The following COL21A1 variants were observed in gnomAD, a reference collection of about 807,000 sequenced individuals.
The protein encoded by COL21A1 is collagen alpha-1(XXI) chain.
In COL21A1, 149 loss-of-function variants were observed where a neutral mutation model predicts 137.9. That is an observed-to-expected ratio of 1.08 (90% CI 0.95 to 1.24). The LOEUF (loss-of-function observed/expected upper bound fraction) is 1.24, where lower values mean the gene tolerates loss of function less well. COL21A1 is among the 50% of genes most tolerant of loss of function. COL21A1 has a pLI of 0.00. For synonymous variants in COL21A1, 456 were observed against 391.5 expected (o/e 1.16, Z -1.95); for missense variants, 1,167 against 1,158.4 (o/e 1.01, Z -0.11).
intron 1 of COL21A1, among the ~76,000 whole-genome samples, chr6:56,206,084 A>ATC (rs1165330376): frequency 1.3e-5 from 2 of 152,216 alleles, no homozygotes; most frequent in Non-Finnish European, 2.9e-5. Flanking sequence ...ACTAACGGGC[A>ATC]AAATAAGCAG....
chr6:56,133,273 G>A (rs1461748895), intron 12 of COL21A1, among the ~76,000 whole-genome samples: 1 of 152,142 alleles, frequency 6.6e-6, no homozygotes, highest in African/African-American at 2.4e-5. Flanking sequence ...AACTTGTTGG[G>A]AACTGGAGTA....
In COL21A1 at chr6:56,266,843, A is replaced by T. The variant is rs118094534; in HGVS notation, c.-38-84187T>A. ...GATTACTTACCTCAAATTATGTTCA[A>T]GAAAAGAAAATAATTTTACTATTCC... On this transcript the variant is annotated intron_variant, in intron 1 of 28. Transcript: ENST00000370819. 4.2e-3 allele frequency among the ~76,000 whole-genome samples: 635 copies of T among 152,374 alleles called. 18 individuals are homozygous for T. In the East Asian group the frequency reaches 0.064, roughly 15 times the overall value.
intron 25 of COL21A1, 179 bp from the exon 26 acceptor site, chr6:56,061,216 T>C (rs1011899384): frequency 6.7e-6 from 4 of 594,462 alleles, no homozygotes; most frequent in African/African-American, 5.7e-5. Context: ...CATATTAAAC[T>C]GTCATTTATC....
At chr6:56,338,943 C>T (rs1479383231) in intron 1 of COL21A1, among the ~76,000 whole-genome samples, 3 of 152,132 alleles carry the variant, frequency 2.0e-5, no homozygotes, top group Non-Finnish European at 4.4e-5. Context: ...AAAAAGACTG[C>T]TTAGCAGATC....
At chr6:56,090,067 CTG>C (rs1768653121) in intron 17 of COL21A1, among the ~76,000 whole-genome samples, 1 of 152,092 alleles carries the variant, frequency 6.6e-6, no homozygotes, top group African/African-American at 2.4e-5. Context: ...TGGTGAAACC[CTG>C]TCTCTACTAA....
At chr6:56,361,853 A>C (rs1765978529) in intron 1 of COL21A1, among the ~76,000 whole-genome samples, 1 of 152,184 alleles carries the variant, frequency 6.6e-6, no homozygotes, top group Admixed American at 6.6e-5. Context: ...TAGCATTTCT[A>C]CTGAAGCCTG....
chr6:56,253,577 T>C (rs1782903183), intron 1 of COL21A1, among the ~76,000 whole-genome samples: 1 of 152,188 alleles, frequency 6.6e-6, no homozygotes, highest in African/African-American at 2.4e-5. Context: ...CATCCAGCCA[T>C]TACTGAAACT....
At chr6:56,140,166 T>C (rs546228917) in intron 12 of COL21A1, among the ~76,000 whole-genome samples, 1 of 152,274 alleles carries the variant, frequency 6.6e-6, no homozygotes, top group East Asian at 1.9e-4. Context: ...AATATATTAG[T>C]TTTTTAATAT....
intron 16 of COL21A1, among the ~76,000 whole-genome samples, chr6:56,122,312 C>CTTT (rs11410654): frequency 1.1e-4 from 16 of 143,954 alleles, no homozygotes; most frequent in Non-Finnish European, 1.7e-4. Context: ...CATGCGGTTT[C>CTTT]TTTTTTTTTT....
intron 12 of COL21A1, among the ~76,000 whole-genome samples, chr6:56,139,830 A>T (rs1420007227): frequency 1.3e-5 from 2 of 152,110 alleles, no homozygotes; most frequent in Non-Finnish European, 2.9e-5. Flanking sequence ...TCCGGTCTGG[A>T]TGCTGAGGAC....
chr6:56,327,088 TA>T (rs1229344368), intron 1 of COL21A1, among the ~76,000 whole-genome samples: 3 of 152,044 alleles, frequency 2.0e-5, no homozygotes, highest in Admixed American at 6.6e-5. Context: ...GTAGATGATG[TA>T]AAACTTTATT....
intron 1 of COL21A1, among the ~76,000 whole-genome samples, chr6:56,206,245 T>C: frequency 6.7e-6 from 1 of 149,602 alleles, no homozygotes; most frequent in Non-Finnish European, 1.5e-5. Flanking sequence ...ATCCAACTAA[T>C]GTGCAAAGAC....
intron 1 of COL21A1, among the ~76,000 whole-genome samples, chr6:56,347,869 A>G (rs1372881474): frequency 1.3e-5 from 2 of 152,132 alleles, no homozygotes; most frequent in South Asian, 2.1e-4. Context: ...AAATAACAAA[A>G]CCCATTGATT....
At chr6:56,270,323 G>A (rs958784685) in intron 1 of COL21A1, among the ~76,000 whole-genome samples, 1 of 152,198 alleles carries the variant, frequency 6.6e-6, no homozygotes, top group African/African-American at 2.4e-5. Context: ...GGATAAAGAA[G>A]AGCATTACAT....
chr6:56,263,862 T>A (rs1469405769), intron 1 of COL21A1, among the ~76,000 whole-genome samples: 1 of 152,148 alleles, frequency 6.6e-6, no homozygotes, highest in Non-Finnish European at 1.5e-5. Flanking sequence ...TTTCCTGATA[T>A]TTGATCCTTA....
At chr6:56,191,168 TCA>T (rs1778647179) in intron 1 of COL21A1, among the ~76,000 whole-genome samples, 1 of 152,164 alleles carries the variant, frequency 6.6e-6, no homozygotes, top group South Asian at 2.1e-4. Flanking sequence ...TCGAATTTTC[TCA>T]GTTTGCAGAT....
chr6:56,149,660 CAT>C (rs1404132259), intron 10 of COL21A1, among the ~76,000 whole-genome samples: 1 of 152,184 alleles, frequency 6.6e-6, no homozygotes, highest in East Asian at 1.9e-4. Context: ...CCCATGAATC[CAT>C]AGTCTCCTTT....
At chr6:56,305,603 C>A (rs993719153) in intron 1 of COL21A1, among the ~76,000 whole-genome samples, 1 of 152,086 alleles carries the variant, frequency 6.6e-6, no homozygotes, top group Non-Finnish European at 1.5e-5. Flanking sequence ...TTCCTCCATC[C>A]CTTTATTTTG....
At chr6:56,370,171 G>T (rs1341791006) in intron 1 of COL21A1, among the ~76,000 whole-genome samples, 1 of 152,148 alleles carries the variant, frequency 6.6e-6, no homozygotes, top group Admixed American at 6.5e-5. Flanking sequence ...CCCACATGGA[G>T]TCTGATCTCC....
Sources: allele counts gnomAD v4.1 joint callset (sites outside exome capture counted in the v4.1 genomes callset), GRCh38; gene constraint gnomAD v4.1.1; transcripts MANE v1.5; gene names NCBI Gene and HGNC (gene_info 2026-07-23, HGNC 2026-07-21).